MAD1L1: variants seen among roughly 807,000 people sequenced by gnomAD.
MAD1L1 encodes the protein mitotic arrest deficient 1 like 1, also known as mitotic spindle assembly checkpoint protein MAD1.
In MAD1L1, 95 loss-of-function variants were observed where a neutral mutation model predicts 96.9. That is an observed-to-expected ratio of 0.98 (90% CI 0.83 to 1.16). The LOEUF (loss-of-function observed/expected upper bound fraction) is 1.16. Among genes scored for constraint, MAD1L1 ranks in the 50% most tolerant of loss-of-function variants. MAD1L1 has a pLI of 0.00. For missense variants in MAD1L1, 1,007 were observed against 954.4 expected (o/e 1.06, Z -0.73); for synonymous variants, 473 against 396.6 (o/e 1.19, Z -2.29).
At chr7:1,927,686 T>A (rs1051886021) in intron 17 of MAD1L1, among the ~76,000 whole-genome samples, 2 of 152,272 alleles carry the variant, frequency 1.3e-5, no homozygotes, top group Middle Eastern at 3.4e-3. Context: ...GGGCAAAAAC[T>A]AACTCAAAAT....
chr7:2,193,936 A>ATTTTTTTTTT (rs35067993), intron 10 of MAD1L1, among the ~76,000 whole-genome samples: 7 of 82,802 alleles, frequency 8.5e-5, no homozygotes, highest in East Asian at 4.1e-4. Flanking sequence ...CTCTGCATGG[A>ATTTTTTTTTT]TTTTTTTTTT....
At chr7:1,941,798 G>A (rs1351428810) in intron 16 of MAD1L1, among the ~76,000 whole-genome samples, 2 of 152,268 alleles carry the variant, frequency 1.3e-5, no homozygotes, top group South Asian at 2.1e-4. Context: ...GACCAGGGCT[G>A]AGAACAAGCC....
chr7:2,159,556 A>G (rs532482225), intron 10 of MAD1L1, among the ~76,000 whole-genome samples: 28 of 152,346 alleles, frequency 1.8e-4, no homozygotes, highest in African/African-American at 6.7e-4. Context: ...CAGGCTCCAG[A>G]AAGGCATGGG....
chr7:2,018,014 G>A (rs555826409), intron 12 of MAD1L1, among the ~76,000 whole-genome samples: 2 of 152,048 alleles, frequency 1.3e-5, no homozygotes, highest in South Asian at 2.1e-4. Flanking sequence ...ACAGGAGCGG[G>A]AGACTGCAGG....
intron 18 of MAD1L1, chr7:1,817,476 T>A (rs545707059): frequency 1.8e-4 from 27 of 152,300 alleles, no homozygotes; most frequent in African/African-American, 6.3e-4. Context: ...CACCGCTTCG[T>A]ACAGCCGAAC....
chr7:2,017,509 G>A (rs1782595005), intron 12 of MAD1L1, among the ~76,000 whole-genome samples: 1 of 152,258 alleles, frequency 6.6e-6, no homozygotes, highest in East Asian at 1.9e-4. Context: ...GCCGGGGGCA[G>A]CAGTAGAGGG....
intron 16 of MAD1L1, among the ~76,000 whole-genome samples, chr7:1,953,955 C>G (rs1321309936): frequency 1.3e-5 from 2 of 152,206 alleles, no homozygotes; most frequent in African/African-American, 4.8e-5. Context: ...CAGTGTCCTG[C>G]CCAGTGCGGC....
At chr7:2,004,129 C>T (rs1781924362) in intron 13 of MAD1L1, among the ~76,000 whole-genome samples, 1 of 152,180 alleles carries the variant, frequency 6.6e-6, no homozygotes, top group African/African-American at 2.4e-5. Flanking sequence ...TCACGCAGCC[C>T]TACACCCCGC....
intron 11 of MAD1L1, among the ~76,000 whole-genome samples, chr7:2,120,827 G>C (rs1279431546): frequency 1.3e-5 from 2 of 152,338 alleles, no homozygotes; most frequent in Admixed American, 1.3e-4. Context: ...GGCCTCAGGA[G>C]CTGCTTCCGT....
chr7:2,021,484 G>A (rs187371073), intron 12 of MAD1L1, among the ~76,000 whole-genome samples: 444 of 152,262 alleles, frequency 2.9e-3, no homozygotes, highest in African/African-American at 9.8e-3. Flanking sequence ...AACTCTCAGC[G>A]GGGCACACTG....
rs1265065709 is a variant in MAD1L1 at position 2,132,400 on chromosome 7, CGCGT to C, written c.1073+16748_1073+16751del. Among the ~76,000 whole-genome samples the C allele has an allele frequency of 2.1e-4, 21 of 100,162 alleles. No individual in the cohort carries two copies. In the Admixed American group the frequency reaches 2.4e-3, roughly 12 times the overall value. The allele number at this position is 100,162 out of a possible 152,430, so 65.7% of individuals were successfully genotyped here. A position where few individuals can be genotyped will look rare whatever the true frequency, so the allele number is the denominator to read the frequency against. On this transcript the variant is annotated intron_variant, in intron 11 of 18. Transcript: ENST00000265854. ...GCGACCGCGCGTCCACCATCACGGC[CGCGT>C]GCAGTCGGTTCACTGCTGCGTGCGA... is the stretch of plus-strand genomic sequence containing the variant.
At position 1,968,858 on chromosome 7, in the gene MAD1L1, G is replaced by A. The variant is rs1218530935; in HGVS notation, c.1506-11139C>T. Among the ~76,000 whole-genome samples the A allele has an allele frequency of 1.3e-5, 2 of 152,238 alleles. No individual in the cohort carries two copies. The highest frequency in any genetic ancestry group is 2.9e-5 in the Non-Finnish European group (2 of 68,042). On this transcript the variant is annotated intron_variant, in intron 15 of 18. Transcript: ENST00000265854. The surrounding 1 kb of genome is among the most constrained non-coding windows in gnomAD (Gnocchi z 5.6). The stretch of plus-strand genomic sequence containing the variant: ...GTCACCGACCAGCGGCAGAAGAGAT[G>A]TGACGACTAAAATCAACACGGTGCC...
At chr7:1,950,063 C>T (rs976932572) in intron 16 of MAD1L1, among the ~76,000 whole-genome samples, 1 of 148,888 alleles carries the variant, frequency 6.7e-6, no homozygotes, top group East Asian at 2.0e-4. Context: ...CTTGAGGGGA[C>T]AGCAGAGACT....
chr7:1,977,278 C>A (rs1780689056), intron 15 of MAD1L1, among the ~76,000 whole-genome samples: 1 of 152,266 alleles, frequency 6.6e-6, no homozygotes, highest in South Asian at 2.1e-4. Flanking sequence ...GCGGCTGAGG[C>A]CCAGTGAGAA....
intron 11 of MAD1L1, among the ~76,000 whole-genome samples, chr7:2,071,643 G>GGGCTGAA (rs1196714978): frequency 6.6e-6 from 1 of 152,174 alleles, no homozygotes; most frequent in Admixed American, 6.5e-5. Context: ...GGAAGGAGAG[G>GGGCTGAA]GGCTGAAGGC....
chr7:2,226,588 A>G (rs943936606), intron 3 of MAD1L1, among the ~76,000 whole-genome samples: 1 of 152,184 alleles, frequency 6.6e-6, no homozygotes, highest in Admixed American at 6.5e-5. Context: ...CTGGAGGAAA[A>G]GGCAGAGTCA....
intron 18 of MAD1L1, among the ~76,000 whole-genome samples, chr7:1,823,750 C>T (rs1012567321): frequency 1.3e-5 from 2 of 152,200 alleles, no homozygotes; most frequent in African/African-American, 4.8e-5. Flanking sequence ...CCTGCTCCCA[C>T]TGGCCTTCCT....
At chr7:2,096,414 C>T (rs1296300564) in intron 11 of MAD1L1, among the ~76,000 whole-genome samples, 1 of 152,226 alleles carries the variant, frequency 6.6e-6, no homozygotes, top group Non-Finnish European at 1.5e-5. Context: ...CCTGGCCGAA[C>T]CTCAGTGCGG....
chr7:1,941,332 C>A (rs1778987540), intron 16 of MAD1L1, among the ~76,000 whole-genome samples: 1 of 152,124 alleles, frequency 6.6e-6, no homozygotes, highest in Non-Finnish European at 1.5e-5. Context: ...GGCCCATCAT[C>A]CTGGGATGAG....
Sources: gnomAD v4.1 joint callset for allele counts (sites outside exome capture counted in the v4.1 genomes callset) on GRCh38, gnomAD v4.1.1 for gene constraint, Gnocchi (gnomAD v3.1) non-coding constraint, MANE v1.5 for transcripts, NCBI Gene and HGNC (gene_info 2026-07-23, HGNC 2026-07-21) for gene names.